Variants in OSBPL9 observed in about 807,000 individuals in gnomAD.
OSBPL9 encodes oxysterol binding protein like 9, also known as oxysterol-binding protein-related protein 9.
In OSBPL9, 40 loss-of-function variants were observed where a neutral mutation model predicts 106.6. That is an observed-to-expected ratio of 0.38 (90% CI 0.29 to 0.49). The LOEUF is 0.49. Among genes scored for constraint, OSBPL9 ranks in the 20% least tolerant of loss-of-function variants. The pLI, the probability that OSBPL9 is intolerant of heterozygous loss-of-function variation, is 0.97. For synonymous variants in OSBPL9, 269 were observed against 295.4 expected (o/e 0.91, Z 0.92); for missense variants, 609 against 887.2 (o/e 0.69, Z 3.98).
chr1:51,549,237 C>T, the OSBPL9 span, among the ~76,000 whole-genome samples: 2 of 152,182 alleles, frequency 1.3e-5, no homozygotes, highest in Admixed American at 1.3e-4. Flanking sequence ...CCACACATCC[C>T]CTTCTCCTTT....
intron 22 of OSBPL9, 128 bp downstream of exon 22, chr1:51,786,745 G>T (rs1677736765): frequency 1.5e-6 from 1 of 671,538 alleles, no homozygotes; most frequent in African/African-American, 1.8e-5. Flanking sequence ...GAATTCCTGG[G>T]TTCGTATGTC....
chr1:51,601,272 C>A (rs1477933975), intron 2 of OSBPL9, among the ~76,000 whole-genome samples: 1 of 152,132 alleles, frequency 6.6e-6, no homozygotes, highest in East Asian at 1.9e-4. Flanking sequence ...ACTGTGTAGT[C>A]CTGGGAATTA....
At chr1:51,714,672 G>A (rs1660709046) in intron 4 of OSBPL9, among the ~76,000 whole-genome samples, 1 of 152,302 alleles carries the variant, frequency 6.6e-6, no homozygotes. Context: ...CTTGGTGGTG[G>A]TAAGGTGGTT....
intron 1 of OSBPL9, among the ~76,000 whole-genome samples, chr1:51,596,985 G>A (rs1330041060): frequency 6.6e-6 from 1 of 152,144 alleles, no homozygotes; most frequent in East Asian, 1.9e-4. Context: ...AAGCTTTCAT[G>A]CTGGGAGAGG....
Position 51,745,528 on chromosome 1 carries a change from T to G in OSBPL9, c.319-8T>G, listed in dbSNP as rs1557786614. The G allele has an allele frequency of 8.1e-6, 13 of 1,610,460 alleles. No individual in the cohort carries two copies. The highest frequency in any genetic ancestry group is 1.6e-4 in the Middle Eastern group (1 of 6,074). ...CTGGTAGATTTATTGCAAATTCTCT[T>G]TCTCTAGGGTTTGGATTCAGGATTT... On this transcript the variant is annotated splice_polypyrimidine_tract_variant and splice_region_variant and intron_variant, in intron 4 of 23. Transcript: ENST00000428468.
intron 17 of OSBPL9, 111 bp downstream of exon 17, chr1:51,782,754 G>T: frequency 1.2e-6 from 1 of 858,128 alleles, no homozygotes. Flanking sequence ...CTAGCTGTGT[G>T]TTTCTTATTC....
intron 3 of OSBPL9, among the ~76,000 whole-genome samples, chr1:51,701,305 T>C (rs1314219632): frequency 6.6e-6 from 1 of 152,242 alleles, no homozygotes; most frequent in East Asian, 1.9e-4. Flanking sequence ...TCAATTATTT[T>C]ATATTAATAT....
intron 3 of OSBPL9, among the ~76,000 whole-genome samples, chr1:51,681,128 A>G (rs1004596311): frequency 4.6e-5 from 7 of 152,198 alleles, no homozygotes; most frequent in Admixed American, 2.6e-4. Flanking sequence ...GATATATTTA[A>G]TAATGTTTTT....
intron 3 of OSBPL9, chr1:51,707,291 A>G (rs1658763183): frequency 4.8e-6 from 1 of 206,848 alleles, no homozygotes; most frequent in South Asian, 6.2e-5. Context: ...TCTCACTTAA[A>G]GTCGGAGGAG....
At chr1:51,597,277 T>C (rs567411483) in intron 1 of OSBPL9, among the ~76,000 whole-genome samples, 2 of 152,174 alleles carry the variant, frequency 1.3e-5, no homozygotes, top group East Asian at 1.9e-4. Flanking sequence ...ATAATCAGAA[T>C]TATATTTTTA....
intron 7 of OSBPL9, 125 bp from the exon 8 acceptor site, chr1:51,750,020 G>T: frequency 3.9e-6 from 2 of 511,608 alleles, no homozygotes; most frequent in Non-Finnish European, 3.3e-6. Context: ...ATCCAAAGAG[G>T]ATATTTCTTG....
intron 12 of OSBPL9, among the ~76,000 whole-genome samples, chr1:51,771,126 A>G (rs1227320710): frequency 6.6e-6 from 1 of 152,220 alleles, no homozygotes; most frequent in Non-Finnish European, 1.5e-5. Flanking sequence ...AAACTGCTCT[A>G]AAAATAAAGT....
chr1:51,689,688 C>G (rs1036038703), intron 3 of OSBPL9, among the ~76,000 whole-genome samples: 11 of 152,206 alleles, frequency 7.2e-5, no homozygotes, highest in Non-Finnish European at 1.6e-4. Context: ...GAGTCTGAGA[C>G]TCTTCCAGCC....
chr1:51,643,469 A>G (rs530873242), intron 1 of OSBPL9, among the ~76,000 whole-genome samples: 1 of 152,146 alleles, frequency 6.6e-6, no homozygotes, highest in Non-Finnish European at 1.5e-5. Flanking sequence ...AGAACAATCC[A>G]TGTAAAAGTC....
At chr1:51,756,407 A>G (rs1670344984) in intron 9 of OSBPL9, 49 bp downstream of exon 9, 2 of 1,543,850 alleles carry the variant, frequency 1.3e-6, no homozygotes, top group Non-Finnish European at 1.8e-6. Flanking sequence ...GCAGAGCATT[A>G]TAACCAGTCA....
chr1:51,597,742 T>C (rs1645310223), intron 1 of OSBPL9, among the ~76,000 whole-genome samples: 1 of 152,312 alleles, frequency 6.6e-6, no homozygotes, highest in African/African-American at 2.4e-5. Flanking sequence ...TGACTGGCTC[T>C]AAAAATAAGA....
intron 2 of OSBPL9, among the ~76,000 whole-genome samples, chr1:51,658,038 G>T (rs965033707): frequency 6.6e-6 from 1 of 151,938 alleles, no homozygotes; most frequent in Non-Finnish European, 1.5e-5. Context: ...AGTGCAGGAG[G>T]TCGAGGCTGC....
chr1:51,540,232 A>T, the OSBPL9 span, among the ~76,000 whole-genome samples: 441 of 150,762 alleles, frequency 2.9e-3, no homozygotes, highest in Non-Finnish European at 4.7e-3. Context: ...TTTTTTTTTT[A>T]AAGCTGGACA....
intron 8 of OSBPL9, among the ~76,000 whole-genome samples, 171 bp downstream of exon 8, chr1:51,750,366 T>A (rs1668980284): frequency 6.6e-6 from 1 of 152,222 alleles, no homozygotes; most frequent in South Asian, 2.1e-4. Context: ...TTATCTTAGC[T>A]ACTGTTTCTG....
Sources: gnomAD v4.1 joint callset for allele counts (sites outside exome capture counted in the v4.1 genomes callset) on GRCh38, gnomAD v4.1.1 for gene constraint, MANE v1.5 for transcripts, NCBI Gene and HGNC (gene_info 2026-07-23, HGNC 2026-07-21) for gene names.